EFCAB11: variants seen among roughly 807,000 people sequenced by gnomAD.
EFCAB11 encodes the protein EF-hand calcium binding domain 11, also known as EF-hand calcium-binding domain-containing protein 11.
In EFCAB11, 14 loss-of-function variants were observed where a neutral mutation model predicts 23.0. The ratio of observed to expected loss-of-function variants is 0.61; its 90% CI spans 0.40 to 0.95. EFCAB11 has a LOEUF of 0.95. EFCAB11 is among the 40% of genes least tolerant of loss of function. EFCAB11 has a pLI of 0.00. For synonymous variants in EFCAB11, 65 were observed against 66.6 expected, an observed-to-expected ratio of 0.98 and a Z score of 0.11; for missense variants, 198 against 195.8, an observed-to-expected ratio of 1.01 and a Z score of -0.07.
chr14:89,863,174 AT>A (rs1887982705), intron 5 of EFCAB11, among the ~76,000 whole-genome samples: 1 of 152,202 alleles, frequency 6.6e-6, no homozygotes, highest in African/African-American at 2.4e-5. Flanking sequence ...GAAATGGAAA[AT>A]TTTAGGTTTA....
rs1366938756 is a variant in EFCAB11 at position 89,796,300 on chromosome 14, T to G, written c.*943A>C. 6.6e-6 allele frequency: 1 copy of G among 152,230 alleles called. No individual in the cohort carries two copies. The highest frequency in any genetic ancestry group is 1.5e-5 in the Non-Finnish European group (1 of 68,058). 9.4% of individuals were successfully genotyped at this position (152,230 alleles called of 1,614,324 possible). A position where few individuals can be genotyped will look rare whatever the true frequency, so the allele number is the denominator to read the frequency against. ...ATCTTAGAGAAGTCTTTATATGTTT[T>G]TTTTTAATTGAAAGTGTTTTTTTAG... is the stretch of plus-strand genomic sequence containing the variant. On this transcript the variant is annotated 3_prime_UTR_variant, in exon 6 of 6. Transcript: ENST00000316738.
At chr14:89,929,030 C>CATATATATATATATATATATTTT (rs34339124) in intron 5 of EFCAB11, among the ~76,000 whole-genome samples, 14 of 121,312 alleles carry the variant, frequency 1.2e-4, no homozygotes, top group African/African-American at 4.2e-4. Flanking sequence ...TAAATACATA[C>CATATATATATATATATATATTTT]ATATATATAT....
intron 5 of EFCAB11, among the ~76,000 whole-genome samples, chr14:89,898,218 C>A (rs1308266343): frequency 1.3e-5 from 2 of 152,170 alleles, no homozygotes; most frequent in African/African-American, 4.8e-5. Context: ...GGTCATTTAT[C>A]CTCGCATGTG....
At chr14:89,861,429 G>A (rs530485162) in intron 5 of EFCAB11, among the ~76,000 whole-genome samples, 30 of 152,160 alleles carry the variant, frequency 2.0e-4, no homozygotes, top group Non-Finnish European at 3.1e-4. Context: ...CTTAAGCCTC[G>A]GTCAGTTACT....
chr14:89,932,416 T>C (rs994826125), intron 4 of EFCAB11, 110 bp downstream of exon 4: 2 of 814,550 alleles, frequency 2.5e-6, no homozygotes, highest in African/African-American at 3.5e-5. Flanking sequence ...ATGAATACAG[T>C]AATATAATCT....
chr14:89,927,394 T>C (rs1203734990), intron 5 of EFCAB11, among the ~76,000 whole-genome samples: 1 of 152,228 alleles, frequency 6.6e-6, no homozygotes, highest in Non-Finnish European at 1.5e-5. Flanking sequence ...CCTCTCTAGC[T>C]GCCTTCTCCT....
chr14:89,932,950 G>T (rs1211781118), intron 3 of EFCAB11, among the ~76,000 whole-genome samples: 1 of 152,116 alleles, frequency 6.6e-6, no homozygotes, highest in Non-Finnish European at 1.5e-5. Context: ...GATCTAATAG[G>T]CATGAAACTA....
chr14:89,954,295 A>T, intron 1 of EFCAB11: 2 of 1,491,778 alleles, frequency 1.3e-6, no homozygotes, highest in Non-Finnish European at 1.8e-6. Flanking sequence ...TCCTGGAGTT[A>T]GGAAGGTGAG....
chr14:89,887,142 G>C (rs911650155), intron 5 of EFCAB11, among the ~76,000 whole-genome samples: 1 of 152,166 alleles, frequency 6.6e-6, no homozygotes, highest in Non-Finnish European at 1.5e-5. Context: ...AAGCTTTATA[G>C]TCAAGCCTGA....
At chr14:89,881,784 T>C (rs891900979) in intron 5 of EFCAB11, among the ~76,000 whole-genome samples, 6 of 152,042 alleles carry the variant, frequency 3.9e-5, no homozygotes, top group Admixed American at 3.3e-4. Context: ...CTACCAACTA[T>C]ACAAAATCTG....
At chr14:89,924,359 C>A in intron 5 of EFCAB11, 1 of 1,139,546 alleles carries the variant, frequency 8.8e-7, no homozygotes, top group Non-Finnish European at 1.1e-6. Context: ...CATCATGTGG[C>A]AATCTGCCTG....
chr14:89,890,861 T>G (rs1471434495), intron 5 of EFCAB11, among the ~76,000 whole-genome samples: 1 of 152,186 alleles, frequency 6.6e-6, no homozygotes, highest in Non-Finnish European at 1.5e-5. Flanking sequence ...TTTGCCAATT[T>G]GGATCATCTC....
chr14:89,883,583 GA>G (rs1888664776), intron 5 of EFCAB11, among the ~76,000 whole-genome samples: 1 of 152,018 alleles, frequency 6.6e-6, no homozygotes, highest in Admixed American at 6.6e-5. Flanking sequence ...AGGAAATAAT[GA>G]CAAAGAAAAA....
Position 89,835,585 on chromosome 14 carries a change from CGTGTGTGTGTGT to C in EFCAB11, c.411-38273_411-38262del, listed in dbSNP as rs67831579. Among the ~76,000 whole-genome samples, 689 of 93,388 alleles carry C rather than the reference CGTGTGTGTGTGT, an allele frequency of 7.4e-3. 3 individuals carry two copies. The highest frequency in any genetic ancestry group is 0.021 in the East Asian group (61 of 2,860). 61.3% of individuals were successfully genotyped at this position (93,388 alleles called of 152,430 possible). A position where few individuals can be genotyped will look rare whatever the true frequency, so the allele number is the denominator to read the frequency against. On this transcript the variant is annotated intron_variant, in intron 5 of 5. Transcript: ENST00000316738. ...TGGATTTCAGATTAGGGATGCTCAA[CGTGTGTGTGTGT>C]GTGTGTGTGTGTGTGTGTGTGTGTG...
chr14:89,869,988 G>T (rs143870177), intron 5 of EFCAB11, among the ~76,000 whole-genome samples: 6 of 152,316 alleles, frequency 3.9e-5, no homozygotes, highest in South Asian at 4.1e-4. Flanking sequence ...ACCTGAGAAA[G>T]GCTTGAAGAA....
At chr14:89,903,489 A>G (rs753742082) in intron 5 of EFCAB11, among the ~76,000 whole-genome samples, 8 of 152,150 alleles carry the variant, frequency 5.3e-5, no homozygotes, top group Non-Finnish European at 1.0e-4. Context: ...CTTTAGCACA[A>G]AAGTGAAATA....
rs1885902429 is a variant in EFCAB11 at position 89,804,544 on chromosome 14, C to T, written c.411-7220G>A. On this transcript the variant is annotated intron_variant, in intron 5 of 5. Transcript: ENST00000316738. ...TTGCATTCCCTCATTCTCTGTTTCA[C>T]AACAACCTGTACACAAGCCCCCATC... Among the ~76,000 whole-genome samples the T allele has an allele frequency of 2.0e-5, 3 of 152,290 alleles. No individual in the cohort carries two copies. In the South Asian group the frequency reaches 6.2e-4, roughly 32 times the overall value.
chr14:89,837,041 G>A (rs772530248), intron 5 of EFCAB11: 20 of 456,380 alleles, frequency 4.4e-5, no homozygotes, highest in South Asian at 3.1e-4. Flanking sequence ...CACAGGTGAG[G>A]GGTGTGCCTG....
At chr14:89,850,301 A>G (rs1887564963) in intron 5 of EFCAB11, among the ~76,000 whole-genome samples, 1 of 152,188 alleles carries the variant, frequency 6.6e-6, no homozygotes, top group African/African-American at 2.4e-5. Flanking sequence ...TATTAATCCT[A>G]CCTGCCTTAC....
Sources: allele counts gnomAD v4.1 joint callset (sites outside exome capture counted in the v4.1 genomes callset), GRCh38; gene constraint gnomAD v4.1.1; transcripts MANE v1.5; gene names NCBI Gene and HGNC (gene_info 2026-07-23, HGNC 2026-07-21).